Variants in ZBTB7B observed in about 807,000 individuals in gnomAD.
ZBTB7B encodes zinc finger and BTB domain containing 7B.
In ZBTB7B, 8 loss-of-function variants were observed where a neutral mutation model predicts 31.0. The ratio of observed to expected loss-of-function variants is 0.26; its 90% CI spans 0.15 to 0.47. The LOEUF (loss-of-function observed/expected upper bound fraction) is 0.47, where lower values mean the gene tolerates loss of function less well. ZBTB7B is among the 20% of genes least tolerant of loss of function. ZBTB7B has a pLI of 0.99. For missense variants in ZBTB7B, 494 were observed against 742.4 expected, an observed-to-expected ratio of 0.67 and a Z score of 3.89; for synonymous variants, 261 against 307.3, an observed-to-expected ratio of 0.85 and a Z score of 1.58.
rs957522840 is a variant in ZBTB7B, at chr1:155,017,942, C to T, written c.*1257C>T. 2 of 157,010 alleles carry T rather than the reference C, an allele frequency of 1.3e-5. No homozygotes were observed. Among genetic ancestry groups the T allele is most frequent in the Non-Finnish European group, 2.8e-5 (2 of 70,740 alleles). 9.7% of individuals were successfully genotyped at this position (157,010 alleles called of 1,614,324 possible). On this transcript the variant is annotated 3_prime_UTR_variant, in exon 3 of 3. Coordinates refer to ENST00000535420, the MANE Select transcript of ZBTB7B (RefSeq NM_001256455.2). ...ACCCCCATTCTGTACATAGCCTCTT[C>T]TGTTGGTCTTGTTGAAATCTAGTTT...
intron 1 of ZBTB7B, among the ~76,000 whole-genome samples, chr1:155,007,625 GGCCTTATCT>G (rs1658641364): frequency 6.6e-6 from 1 of 152,212 alleles, no homozygotes; most frequent in East Asian, 1.9e-4. Flanking sequence ...CAGGGTCTTA[GGCCTTATCT>G]GTAAGGCCTA....
At position 155,004,720 on chromosome 1, in the gene ZBTB7B, A is replaced by G. The variant is rs900775810; in HGVS notation, c.-7+1777A>G. On this transcript the variant is annotated intron_variant, in intron 1 of 2. Coordinates refer to ENST00000535420, the MANE Select transcript of ZBTB7B (RefSeq NM_001256455.2). The surrounding 1 kb of genome is among the most constrained non-coding windows in gnomAD (Gnocchi z 4.0). ...GGAGCAGCTGATGAAACAAGGAGAA[A>G]TCTCTGTCAGTGCCTCTGTCCCTGG... Among the ~76,000 whole-genome samples the G allele has an allele frequency of 3.3e-5, 5 of 151,892 alleles. No homozygotes were observed. Among genetic ancestry groups the G allele is most frequent in the African/African-American group, 1.2e-4 (5 of 41,342 alleles).
rs768175812 is a variant in ZBTB7B, at chr1:155,014,820, G to T, written c.160G>T (p.Ala54Ser). The T allele has an allele frequency of 1.2e-6, 2 of 1,614,202 alleles. No homozygotes were observed. The highest frequency in any genetic ancestry group is 1.7e-6 in the Non-Finnish European group (2 of 1,180,040). The change falls in exon 2 of 3, where the codon GCC becomes TCC. Residue 54 changes from alanine to serine, a missense_variant. Physicochemically the swap from Ala to Ser is moderately conservative, Grantham distance 99 (BLOSUM62 1). Transcript: ENST00000535420. ...CCGCACCCACAGGGCTGTGCTAGCT[G>T]CCTGTAGCCACTACTTCAAGAAGCT... ...EYRTHRAVLA[A>S]CSHYFKKLFT... is the part of the protein sequence containing the mutation.
At chr1:155,010,195 T>C (rs2102289175) in intron 1 of ZBTB7B, 1 of 152,710 alleles carries the variant, frequency 6.5e-6, no homozygotes, top group Non-Finnish European at 1.5e-5. Context: ...TAAGGGGCTA[T>C]GGGCAAGGGC....
chr1:155,016,068 C>G lies in ZBTB7B; in HGVS notation c.1155-152C>G. ...TGGATAATGACAAGGCCTAGTTAAG[C>G]TAGAGGTGAGCTAGCAGGGTATCTC... On this transcript the variant is annotated intron_variant, in intron 2 of 2. Transcript: ENST00000535420. This position sits in a 1 kb window ranked among gnomAD's most constrained non-coding sequence, Gnocchi z 4.3. The G allele has an allele frequency of 1.1e-6, 1 of 916,646 alleles. No individual in the cohort carries two copies. The highest frequency in any genetic ancestry group is 1.6e-6 in the Non-Finnish European group (1 of 610,204). The allele number at this position is 916,646 out of a possible 1,614,324, so 56.8% of individuals were successfully genotyped here.
intron 1 of ZBTB7B, among the ~76,000 whole-genome samples, chr1:155,011,331 G>A (rs1354926029): frequency 6.6e-6 from 1 of 152,250 alleles, no homozygotes; most frequent in African/African-American, 2.4e-5. Flanking sequence ...CAGGCCAGTG[G>A]CCTCCACCTT....
chr1:155,004,147 C>G lies in ZBTB7B; in HGVS notation c.-7+1204C>G, dbSNP rs1459198199. Among the ~76,000 whole-genome samples, 1 of 152,190 alleles carries G rather than the reference C, an allele frequency of 6.6e-6. No individual in the cohort carries two copies. Among genetic ancestry groups the G allele is most frequent in the African/African-American group, 2.4e-5 (1 of 41,450 alleles). The stretch of plus-strand genomic sequence containing the variant: ...TGCTAGCTGACCCACAGGAAACGAG[C>G]GCTGCTGACCTAGTTTGGGACACCG... On this transcript the variant is annotated intron_variant, in intron 1 of 2. Transcript: ENST00000535420. This position sits in a 1 kb window ranked among gnomAD's most constrained non-coding sequence, Gnocchi z 4.0.
At position 155,016,625 on chromosome 1, in the gene ZBTB7B, C is replaced by T. The variant is rs138066139; in HGVS notation, c.1560C>T (p.Asp520=). ...TCTCTACCCCAGGGCCCCCTGATGA[C>T]GATGAGGAGGAAGGGGCACCCACCA... The part of the protein sequence containing the change: ...PPVSTPGPPD[D]DEEEGAPTTP... The change falls in exon 3 of 3, where the codon GAC becomes GAT. Residue 520 remains aspartate (D), a synonymous_variant. Transcript: ENST00000535420. This position sits in a 1 kb window ranked among gnomAD's most constrained non-coding sequence, Gnocchi z 4.3. 6.2e-6 allele frequency: 10 copies of T among 1,608,836 alleles called. No homozygotes were observed. Among genetic ancestry groups the T allele is most frequent in the East Asian group, 4.5e-5 (2 of 44,854 alleles).
At chr1:155,014,025 G>T (rs1239297223) in intron 1 of ZBTB7B, 2 of 985,826 alleles carry the variant, frequency 2.0e-6, no homozygotes, top group Admixed American at 6.1e-5. Context: ...TGTCCTAACC[G>T]CTTTGGAGAG....
Position 155,018,471 on chromosome 1 carries a change from T to C in ZBTB7B, c.*1786T>C. The stretch of plus-strand genomic sequence containing the variant: ...CCTATTCCCTTCCCCCCACCCCAAC[T>C]CCCCCACCTCGGGTGTAAGCGACAG... On this transcript the variant is annotated 3_prime_UTR_variant, in exon 3 of 3. Transcript: ENST00000535420. 8.7e-7 allele frequency: 1 copy of C among 1,154,196 alleles called. No individual in the cohort carries two copies. The highest frequency in any genetic ancestry group is 1.2e-6 in the Non-Finnish European group (1 of 835,776). 71.5% of individuals were successfully genotyped at this position (1,154,196 alleles called of 1,614,324 possible).
At chr1:155,008,822 TA>T (rs1658734905) in intron 1 of ZBTB7B, among the ~76,000 whole-genome samples, 1 of 151,832 alleles carries the variant, frequency 6.6e-6, no homozygotes, top group Admixed American at 6.6e-5. Context: ...GTTAAGGCTG[TA>T]GGGGGGAGGG....
In ZBTB7B at chr1:155,003,488, T is replaced by G. The variant is rs912321461; in HGVS notation, c.-7+545T>G. On this transcript the variant is annotated intron_variant, in intron 1 of 2. Transcript: ENST00000535420. The surrounding 1 kb of genome is among the most constrained non-coding windows in gnomAD (Gnocchi z 5.8). The stretch of plus-strand genomic sequence containing the variant: ...GCTGGACTATTCGGTTTCTTGCGCT[T>G]CCAGAGCCGCGCTCTCTCCAGCGGT... 5.9e-5 allele frequency among the ~76,000 whole-genome samples: 9 copies of G among 152,224 alleles called. No individual in the cohort carries two copies. The highest frequency in any genetic ancestry group is 1.7e-4 in the African/African-American group (7 of 41,546).
At chr1:155,009,389 G>T (rs1236699484) in intron 1 of ZBTB7B, among the ~76,000 whole-genome samples, 3 of 152,006 alleles carry the variant, frequency 2.0e-5, no homozygotes, top group Non-Finnish European at 1.5e-5. Flanking sequence ...TGGGGGGGAG[G>T]GGGTGGGCAC....
At chr1:155,011,091 T>G in intron 1 of ZBTB7B, 1 of 1,289,120 alleles carries the variant, frequency 7.8e-7, no homozygotes, top group Non-Finnish European at 1.1e-6. Flanking sequence ...TCTCTGCTGC[T>G]AATCCTGGTT....
rs909768438 is a variant in ZBTB7B, at chr1:155,004,116, C to T, written c.-7+1173C>T. Among the ~76,000 whole-genome samples the T allele has an allele frequency of 6.6e-6, 1 of 152,190 alleles. No individual in the cohort carries two copies. The highest frequency in any genetic ancestry group is 2.4e-5 in the African/African-American group (1 of 41,446). On this transcript the variant is annotated intron_variant, in intron 1 of 2. Coordinates refer to ENST00000535420, the MANE Select transcript of ZBTB7B (RefSeq NM_001256455.2). The surrounding 1 kb of genome is among the most constrained non-coding windows in gnomAD (Gnocchi z 4.0). ...GTCCGGAGCAGGGGAGGGGCAGAGG[C>T]GCCGGTGCTAGCTGACCCACAGGAA... is the stretch of plus-strand genomic sequence containing the variant.
intron 1 of ZBTB7B, among the ~76,000 whole-genome samples, chr1:155,005,120 G>A (rs536064148): frequency 2.0e-5 from 3 of 152,216 alleles, no homozygotes; most frequent in Non-Finnish European, 2.9e-5. Context: ...AGGGTGCGGC[G>A]GGCAGCGGGG....
chr1:155,013,400 G>A (rs1468090117), intron 1 of ZBTB7B, among the ~76,000 whole-genome samples: 1 of 152,176 alleles, frequency 6.6e-6, no homozygotes, highest in Non-Finnish European at 1.5e-5. Context: ...GAGCCATTGG[G>A]GCCACTACTT....
chr1:155,005,594 G>T (rs990575849), intron 1 of ZBTB7B, among the ~76,000 whole-genome samples: 9 of 152,244 alleles, frequency 5.9e-5, no homozygotes, highest in Non-Finnish European at 1.2e-4. Flanking sequence ...CCTGCTGCGG[G>T]GCTTCCTGCC....
chr1:155,013,235 C>T (rs1659123071), intron 1 of ZBTB7B, among the ~76,000 whole-genome samples: 1 of 152,146 alleles, frequency 6.6e-6, no homozygotes, highest in Admixed American at 6.5e-5. Flanking sequence ...GAAGGCGGCT[C>T]AGAGATTAAA....
Sources: allele counts gnomAD v4.1 joint callset (sites outside exome capture counted in the v4.1 genomes callset), GRCh38; gene constraint gnomAD v4.1.1; non-coding constraint Gnocchi (gnomAD v3.1); transcripts MANE v1.5; gene names NCBI Gene and HGNC (gene_info 2026-07-23, HGNC 2026-07-21).